NTN1: variants seen among roughly 807,000 people sequenced by gnomAD.
NTN1 encodes netrin-1.
A neutral mutation model predicts 54.2 loss-of-function variants in NTN1; 11 were observed. The ratio of observed to expected loss-of-function variants is 0.20; its 90% CI spans 0.13 to 0.34. The LOEUF (loss-of-function observed/expected upper bound fraction) is 0.34, where lower values mean the gene tolerates loss of function less well. Ranked by LOEUF, NTN1 falls within the 10% of genes least tolerant of loss-of-function variation. The pLI, the probability that NTN1 is intolerant of heterozygous loss-of-function variation, is 1.00. For missense variants in NTN1, 740 were observed against 893.1 expected (o/e 0.83, Z 2.18); for synonymous variants, 371 against 382.0 (o/e 0.97, Z 0.33).
chr17:9,096,974 A>G (rs897894992), intron 2 of NTN1, among the ~76,000 whole-genome samples: 2 of 152,124 alleles, frequency 1.3e-5, no homozygotes, highest in African/African-American at 4.8e-5. Context: ...GAGCTTACTT[A>G]TCTGTTTTAC....
chr17:9,041,711 A>G (rs2091922053), intron 2 of NTN1, among the ~76,000 whole-genome samples: 1 of 152,148 alleles, frequency 6.6e-6, no homozygotes, highest in Non-Finnish European at 1.5e-5. Flanking sequence ...TTGTTGGGTT[A>G]TAAGACAACT....
intron 2 of NTN1, among the ~76,000 whole-genome samples, chr17:9,058,881 G>C (rs947784117): frequency 2.0e-5 from 3 of 152,048 alleles, no homozygotes; most frequent in African/African-American, 7.2e-5. Context: ...AGTGGTTTAA[G>C]AGCCCACAAT....
upstream of NTN1, among the ~76,000 whole-genome samples, chr17:9,018,618 C>T (rs368183468): frequency 1.8e-5 from 2 of 111,474 alleles, no homozygotes; most frequent in African/African-American, 7.1e-5. Flanking sequence ...GGCAAGACTC[C>T]ATCTTAAAAA....
At chr17:9,028,953 C>G (rs546711587) in intron 2 of NTN1, among the ~76,000 whole-genome samples, 2 of 151,546 alleles carry the variant, frequency 1.3e-5, no homozygotes, top group African/African-American at 2.4e-5. Context: ...TTCATCCTTT[C>G]AGAAGGTGTT....
intron 2 of NTN1, among the ~76,000 whole-genome samples, chr17:9,054,542 A>T (rs1469754470): frequency 6.6e-6 from 1 of 152,230 alleles, no homozygotes; most frequent in East Asian, 1.9e-4. Context: ...GGAATGAAAA[A>T]GTTTCCCCCA....
chr17:9,099,317 A>T (rs1379683622), intron 2 of NTN1, among the ~76,000 whole-genome samples: 1 of 152,196 alleles, frequency 6.6e-6, no homozygotes, highest in Admixed American at 6.5e-5. Flanking sequence ...AGGCAGGAGA[A>T]TCACTTGAAC....
chr17:9,094,330 T>C (rs78055395), intron 2 of NTN1, among the ~76,000 whole-genome samples: 1,729 of 152,230 alleles, frequency 0.011, 36 homozygotes, highest in African/African-American at 0.04. Context: ...GGTACATTCT[T>C]GGAGCTAAAC....
chr17:9,207,612 C>G (rs1310225986), intron 5 of NTN1, among the ~76,000 whole-genome samples: 4 of 152,198 alleles, frequency 2.6e-5, no homozygotes, highest in East Asian at 1.9e-4. Flanking sequence ...TCTGCCACCC[C>G]CTCTGTCCTG....
chr17:9,236,907 A>G (rs1906009853), intron 6 of NTN1, among the ~76,000 whole-genome samples: 1 of 152,174 alleles, frequency 6.6e-6, no homozygotes, highest in South Asian at 2.1e-4. Flanking sequence ...AGGGTTGGGC[A>G]GGGCTCACTG....
intron 2 of NTN1, 42 bp from the exon 3 acceptor site, chr17:9,162,771 C>A: frequency 6.4e-7 from 1 of 1,565,996 alleles, no homozygotes; most frequent in South Asian, 1.2e-5. Flanking sequence ...CTGTCCTCCC[C>A]GCGCCCCTGC....
At chr17:9,101,476 C>T (rs1238426324) in intron 2 of NTN1, among the ~76,000 whole-genome samples, 1 of 152,234 alleles carries the variant, frequency 6.6e-6, no homozygotes, top group African/African-American at 2.4e-5. Flanking sequence ...CACTGCCAAC[C>T]TTGTGACATC....
Position 9,023,131 on chromosome 17 carries a change from G to A in NTN1, c.758G>A (p.Arg253His), listed in dbSNP as rs148441765. 14 of 1,563,986 alleles carry A rather than the reference G, an allele frequency of 9.0e-6. No homozygotes were observed. The highest frequency in any genetic ancestry group is 4.1e-5 in the African/African-American group (3 of 73,866). Residue 253 changes from arginine (R) to histidine (H), a missense_variant, in exon 2 of 7, where the codon CGC becomes CAC. By Grantham distance (29) the Arg-to-His change is conservative. Transcript: ENST00000173229. ...TATDIRVAFS[R>H]LHTFGDENED... ...ACAGACATCCGCGTGGCCTTCAGCC[G>A]CCTGCACACGTTCGGCGACGAGAAC... is the stretch of plus-strand genomic sequence containing the variant.
chr17:9,184,575 G>A (rs938314007), intron 5 of NTN1, among the ~76,000 whole-genome samples: 3 of 152,278 alleles, frequency 2.0e-5, no homozygotes, highest in East Asian at 1.9e-4. Context: ...TGCACACCGC[G>A]GGGGGCTGAG....
chr17:9,118,242 G>A (rs988078789), intron 2 of NTN1, among the ~76,000 whole-genome samples: 16 of 152,130 alleles, frequency 1.1e-4, no homozygotes, highest in African/African-American at 3.4e-4. Flanking sequence ...AGTTCAGGCC[G>A]GGCGCGGTGG....
chr17:9,065,275 A>G (rs1412417269), intron 2 of NTN1, among the ~76,000 whole-genome samples: 1 of 152,020 alleles, frequency 6.6e-6, no homozygotes, highest in Non-Finnish European at 1.5e-5. Flanking sequence ...CTTGCTATAA[A>G]CCCAGAGTGG....
In NTN1 at chr17:9,074,204, G is replaced by A. The variant is rs1488899530; in HGVS notation, c.1018+50813G>A. 7.2e-5 allele frequency among the ~76,000 whole-genome samples: 11 copies of A among 152,244 alleles called. 1 individual carries two copies. The highest frequency in any genetic ancestry group is 7.2e-4 in the Admixed American group (11 of 15,282). On this transcript the variant is annotated intron_variant, in intron 2 of 6. Transcript: ENST00000173229. ...TGCGGGAGGGAAGCCTGACAGGGGC[G>A]AGGTGGCTTCCTGCAAGACGGCGTG...
chr17:9,070,561 A>C (rs952324707), intron 2 of NTN1, among the ~76,000 whole-genome samples: 1 of 151,690 alleles, frequency 6.6e-6, no homozygotes, highest in Non-Finnish European at 1.5e-5. Flanking sequence ...TGCTGTTGCC[A>C]CTCATCTAAG....
intron 2 of NTN1, among the ~76,000 whole-genome samples, chr17:9,130,995 G>A (rs974191846): frequency 3.3e-5 from 5 of 152,092 alleles, no homozygotes; most frequent in East Asian, 1.9e-4. Context: ...TACACCCCTC[G>A]TCTGCACTTT....
chr17:9,135,094 C>T lies in NTN1; in HGVS notation c.1019-27719C>T, dbSNP rs921062403. On this transcript the variant is annotated intron_variant, in intron 2 of 6. Coordinates refer to ENST00000173229, the MANE Select transcript of NTN1 (RefSeq NM_004822.3). The surrounding 1 kb of genome is among the most constrained non-coding windows in gnomAD (Gnocchi z 4.4). Reference sequence around the variant, plus strand: ...TGGACACGGGTGTCCCCATCCACACCGAGGGCCCGGTAAGGCACATTGTCC... The same window carrying T: ...TGGACACGGGTGTCCCCATCCACACTGAGGGCCCGGTAAGGCACATTGTCC... 1.7e-4 allele frequency among the ~76,000 whole-genome samples: 26 copies of T among 152,230 alleles called. No individual in the cohort carries two copies. Among genetic ancestry groups the T allele is most frequent in the Admixed American group, 7.2e-4 (11 of 15,288 alleles).
Sources: gnomAD v4.1 joint callset for allele counts (sites outside exome capture counted in the v4.1 genomes callset) on GRCh38, gnomAD v4.1.1 for gene constraint, Gnocchi (gnomAD v3.1) non-coding constraint, MANE v1.5 for transcripts, NCBI Gene and HGNC (gene_info 2026-07-23, HGNC 2026-07-21) for gene names.